The following HDLBP variants were observed in gnomAD, a reference collection of about 807,000 sequenced individuals.
The protein encoded by HDLBP is high density lipoprotein binding protein, also known as vigilin.
Under a neutral mutation model 137.3 loss-of-function variants are expected in HDLBP, and 30 were observed. That is an observed-to-expected ratio of 0.22 (90% CI 0.16 to 0.30). The LOEUF (loss-of-function observed/expected upper bound fraction) is 0.30, where lower values mean the gene tolerates loss of function less well. Among genes scored for constraint, HDLBP ranks in the 10% least tolerant of loss-of-function variants. The pLI is 1.00. For synonymous variants in HDLBP, 606 were observed against 596.0 expected, an observed-to-expected ratio of 1.02 and a Z score of -0.24; for missense variants, 1,119 against 1,667.3, an observed-to-expected ratio of 0.67 and a Z score of 5.73.
At chr2:241,268,004 T>C in intron 2 of HDLBP, 1 of 969,922 alleles carries the variant, frequency 1.0e-6, no homozygotes, top group Non-Finnish European at 1.2e-6. Context: ...TCTCCTTCCC[T>C]CTCCCCAGTT....
At position 241,233,377 on chromosome 2, in the gene HDLBP, G is replaced by A. The variant is rs961573679; in HGVS notation, c.3288+443C>T. Among the ~76,000 whole-genome samples the A allele has an allele frequency of 6.6e-6, 1 of 152,192 alleles. No homozygotes were observed. Among genetic ancestry groups the A allele is most frequent in the Admixed American group, 6.5e-5 (1 of 15,280 alleles). ...TGCAATTTGGAGGAAGTAACAACAAGAGTTTACTAAGGACCATCTGGCAAG... is the reference window on the plus strand; with the variant it reads ...TGCAATTTGGAGGAAGTAACAACAAAAGTTTACTAAGGACCATCTGGCAAG... On this transcript the variant is annotated intron_variant, in intron 24 of 27. Coordinates refer to ENST00000310931, the MANE Select transcript of HDLBP (RefSeq NM_005336.6). This position sits in a 1 kb window ranked among gnomAD's most constrained non-coding sequence, Gnocchi z 4.3.
chr2:241,255,351 A>G (rs1410110620), intron 8 of HDLBP, 23 bp downstream of exon 8: 2 of 1,604,826 alleles, frequency 1.2e-6, no homozygotes, highest in Non-Finnish European at 1.7e-6. Flanking sequence ...AAGGAGACAC[A>G]CTTCATGCTC....
At chr2:241,269,671 A>G (rs941142607) in intron 1 of HDLBP, 1 of 152,224 alleles carries the variant, frequency 6.6e-6, no homozygotes, top group African/African-American at 2.4e-5. Context: ...TTCCATTTAA[A>G]AGCATCACCA....
chr2:241,278,380 C>T lies in HDLBP; in HGVS notation c.-102-9839G>A, dbSNP rs139589647. 4.3e-3 allele frequency among the ~76,000 whole-genome samples: 657 copies of T among 152,208 alleles called. 3 individuals carry two copies. Among genetic ancestry groups the T allele is most frequent in the African/African-American group, 0.015 (627 of 41,536 alleles). Reference sequence around the variant, plus strand: ...AGGCAGATACCTGAGGTCAAGAGTTCGAGACCAGCCTGGCCAATATGGCGA... The same window carrying T: ...AGGCAGATACCTGAGGTCAAGAGTTTGAGACCAGCCTGGCCAATATGGCGA... On this transcript the variant is annotated intron_variant, in intron 1 of 27. Transcript: ENST00000310931.
intron 1 of HDLBP, among the ~76,000 whole-genome samples, chr2:241,308,473 G>A (rs1237304005): frequency 6.6e-6 from 1 of 152,194 alleles, no homozygotes; most frequent in Non-Finnish European, 1.5e-5. Flanking sequence ...TCACACAGTA[G>A]ACAACGTAAG....
In HDLBP at chr2:241,237,829, A is replaced by T. The variant is rs1490921787; in HGVS notation, c.2749+820T>A. Among the ~76,000 whole-genome samples, 10 of 152,264 alleles carry T rather than the reference A, an allele frequency of 6.6e-5. No individual in the cohort carries two copies. The East Asian group carries it at 1.7e-3, about 26-fold the overall frequency. On this transcript the variant is annotated intron_variant, in intron 20 of 27. Transcript: ENST00000310931. ...ATCAAAATCAAAGTTTTAAATAACC[A>T]CTGAAGTGTAAAACATAGACAGAGT...
At chr2:241,234,516 G>A (rs2070169810) in intron 23 of HDLBP, among the ~76,000 whole-genome samples, 1 of 152,182 alleles carries the variant, frequency 6.6e-6, no homozygotes, top group African/African-American at 2.4e-5. Context: ...GCTCACGGGA[G>A]GAGTGGAAAG....
chr2:241,298,695 A>AGT (rs1269604551), intron 1 of HDLBP, among the ~76,000 whole-genome samples: 3 of 152,318 alleles, frequency 2.0e-5, no homozygotes, highest in Non-Finnish European at 4.4e-5. Context: ...AGTGCACATC[A>AGT]CCACTAAGGG....
chr2:241,234,081 G>T, intron 23 of HDLBP, 118 bp from the exon 24 acceptor site: 1 of 1,105,054 alleles, frequency 9.0e-7, no homozygotes, highest in Non-Finnish European at 1.3e-6. Context: ...GTAACCCGTG[G>T]TCCGGAATGG....
At chr2:241,296,459 C>T (rs1021438529) in intron 1 of HDLBP, among the ~76,000 whole-genome samples, 11 of 152,182 alleles carry the variant, frequency 7.2e-5, no homozygotes, top group Admixed American at 6.5e-4. Context: ...ACAACATATA[C>T]TGTAAAAACC....
At chr2:241,265,915 A>G (rs981863328) in intron 3 of HDLBP, among the ~76,000 whole-genome samples, 1 of 152,226 alleles carries the variant, frequency 6.6e-6, no homozygotes, top group African/African-American at 2.4e-5. Flanking sequence ...TCGGGTTCCA[A>G]CACCTGACAC....
At chr2:241,275,222 A>G (rs2074345734) in intron 1 of HDLBP, among the ~76,000 whole-genome samples, 1 of 152,188 alleles carries the variant, frequency 6.6e-6, no homozygotes, top group Non-Finnish European at 1.5e-5. Flanking sequence ...ATACCAGGCT[A>G]AAAAGGATAC....
In HDLBP at chr2:241,306,051, C is replaced by T. The variant is rs540138452; in HGVS notation, c.-103+9519G>A. Among the ~76,000 whole-genome samples, 6 of 151,992 alleles carry T rather than the reference C, an allele frequency of 3.9e-5. No individual in the cohort carries two copies. In the East Asian group the frequency reaches 5.8e-4, roughly 15 times the overall value. On this transcript the variant is annotated intron_variant, in intron 1 of 27. Transcript: ENST00000310931. ...CTGGGATGACAGGTGTGAGTCACCG[C>T]GCCCGGCCAAAAAGTTTTAATAGGT...
At chr2:241,254,724 G>A (rs1406390222) in intron 9 of HDLBP, among the ~76,000 whole-genome samples, 1 of 151,884 alleles carries the variant, frequency 6.6e-6, no homozygotes, top group Non-Finnish European at 1.5e-5. Flanking sequence ...GACCTCATGA[G>A]CCACCGCACC....
intron 1 of HDLBP, among the ~76,000 whole-genome samples, chr2:241,310,716 C>T (rs1044851883): frequency 6.6e-6 from 1 of 152,056 alleles, no homozygotes; most frequent in Admixed American, 6.5e-5. Context: ...AAATGCCCAG[C>T]GTTGAAGAAC....
At chr2:241,252,711 G>A (rs2072291140) in intron 11 of HDLBP, among the ~76,000 whole-genome samples, 1 of 152,212 alleles carries the variant, frequency 6.6e-6, no homozygotes, top group Admixed American at 6.5e-5. Context: ...TTTGGGGAGG[G>A]CTTAGATGGA....
chr2:241,281,311 G>A (rs1324112663), intron 1 of HDLBP, among the ~76,000 whole-genome samples: 3 of 151,904 alleles, frequency 2.0e-5, no homozygotes, highest in African/African-American at 4.8e-5. Context: ...CCGAGATCGC[G>A]CCATTGCACT....
intron 1 of HDLBP, among the ~76,000 whole-genome samples, chr2:241,288,047 T>G (rs1043882820): frequency 1.4e-4 from 21 of 152,218 alleles, no homozygotes; most frequent in African/African-American, 4.8e-4. Context: ...GTGAGAGTTA[T>G]CAGCAGAAGG....
At chr2:241,284,178 C>T (rs552835369) in intron 1 of HDLBP, among the ~76,000 whole-genome samples, 2 of 152,320 alleles carry the variant, frequency 1.3e-5, no homozygotes, top group South Asian at 2.1e-4. Context: ...GAAGTAATTT[C>T]GACTTTCAAG....
Sources: gnomAD v4.1 joint callset for allele counts (sites outside exome capture counted in the v4.1 genomes callset) on GRCh38, gnomAD v4.1.1 for gene constraint, Gnocchi (gnomAD v3.1) non-coding constraint, MANE v1.5 for transcripts, NCBI Gene and HGNC (gene_info 2026-07-23, HGNC 2026-07-21) for gene names.